The following MAP3K5 variants were observed in gnomAD, a reference collection of about 807,000 sequenced individuals.
MAP3K5 encodes the protein mitogen-activated protein kinase kinase kinase 5, also known as ASK-1.
Under a neutral mutation model 158.7 loss-of-function variants are expected in MAP3K5, and 56 were observed. That is an observed-to-expected ratio of 0.35 (90% confidence interval 0.28 to 0.44). The LOEUF (loss-of-function observed/expected upper bound fraction) is 0.44, where lower values mean the gene tolerates loss of function less well. Among genes scored for constraint, MAP3K5 ranks in the 20% least tolerant of loss-of-function variants. MAP3K5 has a pLI of 1.00. For missense variants in MAP3K5, 1,294 were observed against 1,674.8 expected, an observed-to-expected ratio of 0.77 and a Z score of 3.97; for synonymous variants, 579 against 601.7, an observed-to-expected ratio of 0.96 and a Z score of 0.55.
chr6:136,632,750 T>C (rs776662251), intron 14 of MAP3K5, among the ~76,000 whole-genome samples: 83 of 152,072 alleles, frequency 5.5e-4, no homozygotes, highest in Non-Finnish European at 9.0e-4. Flanking sequence ...GGAATCTGGC[T>C]TGGGTTGCTG....
intron 2 of MAP3K5, among the ~76,000 whole-genome samples, chr6:136,705,608 A>C (rs1781041337): frequency 6.6e-6 from 1 of 152,150 alleles, no homozygotes; most frequent in Non-Finnish European, 1.5e-5. Flanking sequence ...GCCCGGCCTA[A>C]AAAGTTTACA....
intron 6 of MAP3K5, 70 bp downstream of exon 6, chr6:136,695,881 T>C (rs1208756100): frequency 2.3e-6 from 2 of 873,354 alleles, no homozygotes; most frequent in African/African-American, 3.4e-5. Context: ...GTGAACACAT[T>C]CTCTGTAAAG....
intron 1 of MAP3K5, among the ~76,000 whole-genome samples, chr6:136,727,967 A>G (rs1024900911): frequency 2.2e-4 from 8 of 36,206 alleles, no homozygotes; most frequent in Non-Finnish European, 1.7e-4. Context: ...GCCTCAAAGA[A>G]AAAAAAAAAA....
At chr6:136,730,169 T>TG (rs1782155476) in intron 1 of MAP3K5, among the ~76,000 whole-genome samples, 1 of 135,290 alleles carries the variant, frequency 7.4e-6, no homozygotes. Context: ...TTTTTTTTGT[T>TG]TTTTGTTTTT....
chr6:136,672,743 C>A (rs945733065), intron 7 of MAP3K5, among the ~76,000 whole-genome samples: 57 of 151,776 alleles, frequency 3.8e-4, no homozygotes, highest in African/African-American at 1.3e-3. Flanking sequence ...GGCTCCCAGC[C>A]CTTTGGGAGG....
At chr6:136,645,984 T>C (rs1401461074) in intron 11 of MAP3K5, among the ~76,000 whole-genome samples, 1 of 152,230 alleles carries the variant, frequency 6.6e-6, no homozygotes, top group East Asian at 1.9e-4. Flanking sequence ...CTCTGTTATT[T>C]ATAGTTGTTT....
At chr6:136,749,580 T>C (rs1258401176) in intron 1 of MAP3K5, among the ~76,000 whole-genome samples, 1 of 151,630 alleles carries the variant, frequency 6.6e-6, no homozygotes, top group African/African-American at 2.4e-5. Flanking sequence ...CATTCATCTC[T>C]CAAAAGGGAG....
chr6:136,711,489 A>AC (rs1781305275), intron 2 of MAP3K5, among the ~76,000 whole-genome samples: 1 of 151,916 alleles, frequency 6.6e-6, no homozygotes, highest in Non-Finnish European at 1.5e-5. Context: ...ACACGGCAAA[A>AC]CCCCATCTCT....
chr6:136,725,432 A>T (rs1781927023), intron 1 of MAP3K5, among the ~76,000 whole-genome samples: 1 of 152,130 alleles, frequency 6.6e-6, no homozygotes, highest in African/African-American at 2.4e-5. Context: ...TATGGTTTTA[A>T]TTTGTATTTC....
At chr6:136,714,654 T>C (rs985551326) in intron 2 of MAP3K5, among the ~76,000 whole-genome samples, 1 of 152,178 alleles carries the variant, frequency 6.6e-6, no homozygotes, top group African/African-American at 2.4e-5. Context: ...AGAATAATGC[T>C]ACCATGAACA....
chr6:136,602,075 G>C (rs1467130231), intron 19 of MAP3K5, 96 bp from the exon 20 acceptor site: 1 of 909,570 alleles, frequency 1.1e-6, no homozygotes, highest in Non-Finnish European at 1.7e-6. Flanking sequence ...AATGCAACAA[G>C]ATCCCTTATC....
intron 2 of MAP3K5, among the ~76,000 whole-genome samples, chr6:136,705,601 C>A (rs563451627): frequency 1.3e-5 from 2 of 152,086 alleles, no homozygotes; most frequent in East Asian, 3.8e-4. Flanking sequence ...CCACGATGCC[C>A]GGCCTAAAAA....
At chr6:136,706,309 T>A (rs1390911539) in intron 2 of MAP3K5, among the ~76,000 whole-genome samples, 1 of 152,004 alleles carries the variant, frequency 6.6e-6, no homozygotes, top group African/African-American at 2.4e-5. Context: ...AGTGTGCCCA[T>A]CTTCTAGGTT....
chr6:136,617,677 TAATC>T (rs1157795754), intron 15 of MAP3K5, among the ~76,000 whole-genome samples: 1 of 152,192 alleles, frequency 6.6e-6, no homozygotes, highest in African/African-American at 2.4e-5. Context: ...TTCACTCCTG[TAATC>T]CCAGCACTTT....
rs984402040 is a variant in MAP3K5 at position 136,642,019 on chromosome 6, T to A, written c.1838+501A>T. ...ATAAAATAAAATAAAATAAAATAAA[T>A]AAAATAAAATAAAAATAAAATAAAA... On this transcript the variant is annotated intron_variant, in intron 12 of 29. Transcript: ENST00000359015. Among the ~76,000 whole-genome samples the A allele has an allele frequency of 6.4e-4, 66 of 103,838 alleles. 1 individual carries two copies. The highest frequency in any genetic ancestry group is 1.1e-3 in the Admixed American group (11 of 10,158). The allele number at this position is 103,838 out of a possible 152,430, so 68.1% of individuals were successfully genotyped here.
At chr6:136,786,450 C>T (rs75545514) in intron 1 of MAP3K5, among the ~76,000 whole-genome samples, 5,873 of 151,398 alleles carry the variant, frequency 0.039, 129 homozygotes, top group African/African-American at 0.062. Context: ...CAGGGCAACA[C>T]GATAGTATTG....
intron 12 of MAP3K5, among the ~76,000 whole-genome samples, chr6:136,642,227 C>T (rs908831623): frequency 4.3e-4 from 66 of 152,028 alleles, no homozygotes; most frequent in South Asian, 2.1e-3. Context: ...AAGAGGACCT[C>T]CACATGGCTG....
intron 1 of MAP3K5, among the ~76,000 whole-genome samples, chr6:136,765,874 T>G (rs998583260): frequency 6.6e-6 from 1 of 151,940 alleles, no homozygotes; most frequent in Non-Finnish European, 1.5e-5. Context: ...AACTAAGGCT[T>G]AGAGAAGCAA....
intron 7 of MAP3K5, among the ~76,000 whole-genome samples, chr6:136,690,529 T>A (rs1232733972): frequency 6.6e-6 from 1 of 152,204 alleles, no homozygotes; most frequent in Non-Finnish European, 1.5e-5. Context: ...GTCAGATTTA[T>A]AAATTTTGGT....
Sources: gnomAD v4.1 joint callset for allele counts (sites outside exome capture counted in the v4.1 genomes callset) on GRCh38, gnomAD v4.1.1 for gene constraint, MANE v1.5 for transcripts, NCBI Gene and HGNC (gene_info 2026-07-23, HGNC 2026-07-21) for gene names.